The following NDUFA8 variants were observed in gnomAD, a reference collection of about 807,000 sequenced individuals.
NDUFA8 encodes NADH:ubiquinone oxidoreductase subunit A8, also known as NADH dehydrogenase [ubiquinone] 1 alpha subcomplex subunit 8.
In NDUFA8, 16 loss-of-function variants were observed where a neutral mutation model predicts 20.9. The observed-to-expected ratio is 0.77, with a 90% confidence interval of 0.52 to 1.16. The LOEUF is 1.16. Among genes scored for constraint, NDUFA8 ranks in the 50% most tolerant of loss-of-function variants. NDUFA8 has a pLI of 0.00. For synonymous variants in NDUFA8, 70 were observed against 76.1 expected (o/e 0.92, Z 0.41); for missense variants, 202 against 216.4 (o/e 0.93, Z 0.42).
intron 2 of NDUFA8, among the ~76,000 whole-genome samples, chr9:122,150,401 AC>A (rs1359586720): frequency 9.7e-6 from 1 of 103,350 alleles, no homozygotes; most frequent in Admixed American, 1.4e-4. Flanking sequence ...ACAGAGTGAC[AC>A]CCCATCACAA....
chr9:122,155,547 A>G (rs1672553833), intron 1 of NDUFA8, among the ~76,000 whole-genome samples: 1 of 152,218 alleles, frequency 6.6e-6, no homozygotes, highest in Admixed American at 6.5e-5. Flanking sequence ...GACATAAGTG[A>G]AATCTGCCAT....
In NDUFA8 at chr9:122,144,315, C is replaced by A. The variant is rs1458430131; in HGVS notation, c.445G>T (p.Asp149Tyr). ...TCTCCCTCGATCTCAGGGCTGGGAT[C>A]CGGTCTTGGTCTTGAGTGATAGGGA... ...ENPYHSRPRP[D>Y]PSPEIEGDLQ... Residue 149 changes from aspartate to tyrosine, a missense_variant, in exon 4 of 4, where the codon GAT (aspartate) becomes TAT (tyrosine). By Grantham distance (160) the Asp-to-Tyr change is radical (BLOSUM62 -3). Transcript: ENST00000373768. 6.2e-7 allele frequency: 1 copy of A among 1,614,006 alleles called. No homozygotes were observed. Among genetic ancestry groups the A allele is most frequent in the South Asian group, 1.1e-5 (1 of 91,080 alleles).
At chr9:122,145,533 G>C (rs753482697) in intron 3 of NDUFA8, among the ~76,000 whole-genome samples, 1 of 151,938 alleles carries the variant, frequency 6.6e-6, no homozygotes, top group Non-Finnish European at 1.5e-5. Context: ...AAAATGACCA[G>C]ATTCATCTTC....
downstream of NDUFA8, among the ~76,000 whole-genome samples, chr9:122,139,972 C>G (rs372785604): frequency 6.6e-6 from 1 of 152,194 alleles, no homozygotes; most frequent in Non-Finnish European, 1.5e-5. Context: ...GGATTACAGG[C>G]GTGAGCCACC....
chr9:122,150,410 CAAAAAAA>C lies in NDUFA8; in HGVS notation c.215+1828_215+1834del, dbSNP rs60728190. On this transcript the variant is annotated intron_variant, in intron 2 of 3. Transcript: ENST00000373768. The stretch of plus-strand genomic sequence containing the variant: ...TGGGCGACAGAGTGACACCCCATCA[CAAAAAAA>C]AAAAAAAAAAAAAAAAAAAAGCAAT... Among the ~76,000 whole-genome samples the C allele has an allele frequency of 8.1e-4, 16 of 19,656 alleles. No individual in the cohort carries two copies. In the South Asian group the frequency reaches 0.012, roughly 15 times the overall value. 12.9% of individuals were successfully genotyped at this position (19,656 alleles called of 152,430 possible). A position where few individuals can be genotyped will look rare whatever the true frequency, so the allele number is the denominator to read the frequency against.
chr9:122,155,071 T>C (rs1221084384), intron 1 of NDUFA8, among the ~76,000 whole-genome samples: 1 of 152,184 alleles, frequency 6.6e-6, no homozygotes, highest in Non-Finnish European at 1.5e-5. Context: ...TCTGTAATTT[T>C]ATTTTATTTT....
chr9:122,140,657 G>A (rs1216349381), downstream of NDUFA8, among the ~76,000 whole-genome samples: 1 of 152,302 alleles, frequency 6.6e-6, no homozygotes, highest in East Asian at 1.9e-4. Flanking sequence ...AACAGGAGAG[G>A]TAAGACACAG....
chr9:122,137,706 C>G, the NDUFA8 span, among the ~76,000 whole-genome samples: 1 of 152,176 alleles, frequency 6.6e-6, no homozygotes. Flanking sequence ...AGGTCTATTT[C>G]AAGAAAACAT....
At chr9:122,135,103 A>T in the NDUFA8 span, among the ~76,000 whole-genome samples, 2 of 152,212 alleles carry the variant, frequency 1.3e-5, no homozygotes, top group African/African-American at 4.8e-5. Context: ...CCATTCAGAC[A>T]GCCTGTGGCT....
the NDUFA8 span, among the ~76,000 whole-genome samples, chr9:122,133,344 C>A: frequency 5.9e-5 from 9 of 152,194 alleles, no homozygotes; most frequent in Admixed American, 1.3e-4. Flanking sequence ...CTTATCCAGG[C>A]AGGAAAGGTG....
chr9:122,145,834 G>T (rs1828896589), intron 3 of NDUFA8, among the ~76,000 whole-genome samples: 1 of 152,168 alleles, frequency 6.6e-6, no homozygotes, highest in Non-Finnish European at 1.5e-5. Context: ...GGTATTTGCA[G>T]CTCCTTTAAG....
At chr9:122,158,733 C>G (rs1200929456) in intron 1 of NDUFA8, among the ~76,000 whole-genome samples, 1 of 145,232 alleles carries the variant, frequency 6.9e-6, no homozygotes, top group Non-Finnish European at 1.5e-5. Flanking sequence ...TATATATACA[C>G]CAATTGTGTA....
At chr9:122,137,430 G>A in the NDUFA8 span, among the ~76,000 whole-genome samples, 1 of 151,788 alleles carries the variant, frequency 6.6e-6, no homozygotes, top group Non-Finnish European at 1.5e-5. Context: ...TAGTAGAGAT[G>A]GGGTTTCACC....
downstream of NDUFA8, among the ~76,000 whole-genome samples, chr9:122,140,140 G>T (rs1828799377): frequency 6.6e-6 from 1 of 152,182 alleles, no homozygotes; most frequent in South Asian, 2.1e-4. Flanking sequence ...TTGTTTCCCA[G>T]ATCTACCAGT....
chr9:122,152,990 C>A (rs1251131615), intron 1 of NDUFA8, among the ~76,000 whole-genome samples: 2 of 152,030 alleles, frequency 1.3e-5, no homozygotes, highest in African/African-American at 4.8e-5. Flanking sequence ...TAAGGCTGGG[C>A]ACAGTGGCTC....
the NDUFA8 span, among the ~76,000 whole-genome samples, chr9:122,134,162 C>T: frequency 6.6e-6 from 1 of 152,222 alleles, no homozygotes; most frequent in African/African-American, 2.4e-5. Context: ...AAACGCTTGG[C>T]ACGTGGTAGG....
downstream of NDUFA8, among the ~76,000 whole-genome samples, chr9:122,142,636 CT>C (rs1270110804): frequency 1.3e-5 from 2 of 152,216 alleles, no homozygotes; most frequent in Non-Finnish European, 2.9e-5. Context: ...TCTCGCTAAA[CT>C]TTAACTTCCT....
intron 1 of NDUFA8, among the ~76,000 whole-genome samples, chr9:122,157,273 T>C (rs16911501): frequency 0.011 from 1,677 of 152,354 alleles, 32 homozygotes; most frequent in African/African-American, 0.039. Flanking sequence ...TTTAGTCATG[T>C]CTTACATTAT....
chr9:122,133,324 C>T, the NDUFA8 span, among the ~76,000 whole-genome samples: 1 of 152,240 alleles, frequency 6.6e-6, no homozygotes, highest in African/African-American at 2.4e-5. Context: ...GTCCATGGCA[C>T]TGCTTCCTCC....
Sources: gnomAD v4.1 joint callset for allele counts (sites outside exome capture counted in the v4.1 genomes callset) on GRCh38, gnomAD v4.1.1 for gene constraint, MANE v1.5 for transcripts, NCBI Gene and HGNC (gene_info 2026-07-23, HGNC 2026-07-21) for gene names.